SEMA5B: variants seen among roughly 807,000 people sequenced by gnomAD.
SEMA5B encodes semaphorin-5B.
In SEMA5B, 66 loss-of-function variants were observed where a neutral mutation model predicts 135.0. The ratio of observed to expected loss-of-function variants is 0.49; its 90% CI spans 0.40 to 0.60. SEMA5B has a LOEUF of 0.60. SEMA5B is among the 20% of genes least tolerant of loss of function. SEMA5B has a pLI of 0.00. For missense variants in SEMA5B, 1,501 were observed against 1,566.3 expected (o/e 0.96, Z 0.70); for synonymous variants, 690 against 639.5 (o/e 1.08, Z -1.19).
chr3:122,969,997 G>T (rs780101023), intron 1 of SEMA5B, among the ~76,000 whole-genome samples: 11 of 152,174 alleles, frequency 7.2e-5, no homozygotes, highest in Non-Finnish European at 1.6e-4. Context: ...CCTATTTCCT[G>T]CAGAGTTGGG....
chr3:122,934,831 T>G (rs555698958), intron 5 of SEMA5B, among the ~76,000 whole-genome samples: 12 of 145,406 alleles, frequency 8.3e-5, no homozygotes, highest in African/African-American at 1.3e-4. Flanking sequence ...CAGTGAGTAA[T>G]GATTGTGCCA....
At chr3:122,983,635 G>A (rs961880164) in intron 1 of SEMA5B, among the ~76,000 whole-genome samples, 4 of 143,892 alleles carry the variant, frequency 2.8e-5, no homozygotes, top group African/African-American at 1.0e-4. Flanking sequence ...GGAGAATGGC[G>A]TGAACCCGGG....
At chr3:122,986,724 T>A (rs928142258) in intron 1 of SEMA5B, among the ~76,000 whole-genome samples, 9 of 151,852 alleles carry the variant, frequency 5.9e-5, no homozygotes, top group African/African-American at 2.2e-4. Context: ...CATACAAACA[T>A]GCACTCATTT....
rs1217083179 is a variant in SEMA5B, at chr3:122,948,720, A to G, written c.125-11T>C. On this transcript the variant is annotated splice_polypyrimidine_tract_variant and intron_variant, in intron 2 of 22. Coordinates refer to ENST00000357599, the MANE Select transcript of SEMA5B (RefSeq NM_001031702.4). ...GACAGGGGAGAAGACCTGCAACGTAAACACTCAGTCTCACCAAGCGCTCCC... is the reference window on the plus strand; with the variant it reads ...GACAGGGGAGAAGACCTGCAACGTAGACACTCAGTCTCACCAAGCGCTCCC... 5.7e-6 allele frequency: 9 copies of G among 1,583,052 alleles called. No individual in the cohort carries two copies. The highest frequency in any genetic ancestry group is 7.8e-6 in the Non-Finnish European group (9 of 1,158,588).
intron 12 of SEMA5B, among the ~76,000 whole-genome samples, chr3:122,917,213 G>A (rs1938116498): frequency 1.3e-5 from 2 of 152,204 alleles, no homozygotes; most frequent in East Asian, 3.8e-4. Context: ...CCCCTTCTGA[G>A]CCAGTCTGCT....
intron 1 of SEMA5B, among the ~76,000 whole-genome samples, chr3:122,986,593 T>TTG (rs145873533): frequency 0.5 from 72,278 of 144,098 alleles, 18,904 homozygotes; most frequent in Admixed American, 0.62. Context: ...CAGAGCATAT[T>TTG]TGTGTGTGTG....
chr3:122,953,764 C>T (rs1010876735), intron 2 of SEMA5B, among the ~76,000 whole-genome samples: 5 of 152,186 alleles, frequency 3.3e-5, no homozygotes, highest in Non-Finnish European at 7.4e-5. Context: ...TCTGACTTTT[C>T]GAGGCAAGTT....
intron 12 of SEMA5B, among the ~76,000 whole-genome samples, chr3:122,917,161 G>A (rs941775098): frequency 4.6e-5 from 7 of 152,158 alleles, no homozygotes; most frequent in African/African-American, 1.7e-4. Flanking sequence ...GCCAATCCTG[G>A]GGGATACCTC....
At chr3:122,975,955 A>C (rs1941303947) in intron 1 of SEMA5B, 1 of 1,532,362 alleles carries the variant, frequency 6.5e-7, no homozygotes, top group African/African-American at 1.4e-5. Flanking sequence ...AACCTCCTCA[A>C]CACATCCCAA....
intron 2 of SEMA5B, chr3:122,958,153 G>A (rs1308475912): frequency 6.6e-6 from 1 of 152,294 alleles, no homozygotes; most frequent in Non-Finnish European, 1.5e-5. Flanking sequence ...CCCAGCCCAG[G>A]CCTGACAGCC....
intron 1 of SEMA5B, among the ~76,000 whole-genome samples, chr3:122,966,643 C>G (rs984399396): frequency 3.3e-5 from 5 of 150,416 alleles, no homozygotes; most frequent in Non-Finnish European, 5.9e-5. Context: ...CAAGCTCCGC[C>G]TCCTGGGTTC....
At chr3:122,915,005 T>C (rs1468662861) in intron 14 of SEMA5B, among the ~76,000 whole-genome samples, 1 of 152,164 alleles carries the variant, frequency 6.6e-6, no homozygotes, top group African/African-American at 2.4e-5. Flanking sequence ...CAACAACTCT[T>C]GGGTGGGTAC....
intron 1 of SEMA5B, among the ~76,000 whole-genome samples, chr3:122,968,407 G>A (rs925209626): frequency 1.3e-5 from 2 of 152,176 alleles, no homozygotes; most frequent in Admixed American, 1.3e-4. Context: ...TGCCTCCCTA[G>A]AGGCAATGAA....
At chr3:122,957,598 TA>T (rs1333249304) in intron 2 of SEMA5B, among the ~76,000 whole-genome samples, 1 of 152,190 alleles carries the variant, frequency 6.6e-6, no homozygotes, top group Non-Finnish European at 1.5e-5. Flanking sequence ...GGGGCTTGAG[TA>T]CAAATGCCTG....
chr3:122,928,390 G>GT (rs924336639), intron 7 of SEMA5B, 127 bp downstream of exon 7: 14 of 623,120 alleles, frequency 2.2e-5, no homozygotes, highest in Middle Eastern at 8.7e-4. Context: ...CTAACTGGGT[G>GT]TCCTTTTGTT....
chr3:122,938,995 T>C (rs1560329131), intron 5 of SEMA5B, among the ~76,000 whole-genome samples: 1 of 152,188 alleles, frequency 6.6e-6, no homozygotes, highest in Non-Finnish European at 1.5e-5. Flanking sequence ...GGAACACCCT[T>C]TCCGTGGAGG....
intron 1 of SEMA5B, among the ~76,000 whole-genome samples, chr3:122,971,617 C>T (rs991535739): frequency 9.2e-5 from 14 of 152,380 alleles, no homozygotes; most frequent in Admixed American, 6.5e-4. Flanking sequence ...CAGCCCGTGT[C>T]TATTGAATGA....
chr3:122,910,266 T>C lies in SEMA5B; in HGVS notation c.3333A>G (p.Arg1111=). 6.2e-7 allele frequency: 1 copy of C among 1,614,168 alleles called. No individual in the cohort carries two copies. Among genetic ancestry groups the C allele is most frequent in the Non-Finnish European group, 8.5e-7 (1 of 1,180,014 alleles). The change falls in exon 23 of 23, where the codon AGA becomes AGG. Residue 1111 remains arginine, a synonymous_variant. Coordinates refer to ENST00000357599, the MANE Select transcript of SEMA5B (RefSeq NM_001031702.4). ...TCTGCTGCAATGGGTAGAAGTTGGC[T>C]CTGTCATCAGGGATCAAGTTATTCT... ...LNKNNLIPDD[R]ANFYPLQQTN...
intron 14 of SEMA5B, among the ~76,000 whole-genome samples, chr3:122,914,249 G>T (rs968966932): frequency 2.0e-5 from 3 of 152,192 alleles, no homozygotes; most frequent in African/African-American, 7.2e-5. Flanking sequence ...TAAGGACGTA[G>T]AGGTAGGACA....
Sources: gnomAD v4.1 joint callset for allele counts (sites outside exome capture counted in the v4.1 genomes callset) on GRCh38, gnomAD v4.1.1 for gene constraint, MANE v1.5 for transcripts, NCBI Gene and HGNC (gene_info 2026-07-23, HGNC 2026-07-21) for gene names.